The following SNX7 variants were observed in gnomAD, a reference collection of about 807,000 sequenced individuals.
SNX7 encodes sorting nexin 7, also known as sorting nexin-7.
SNX7 carries 35 observed loss-of-function variants against 48.4 expected under a neutral mutation model. The ratio of observed to expected loss-of-function variants is 0.72; its 90% CI spans 0.55 to 0.96. The LOEUF is 0.96. Among genes scored for constraint, SNX7 ranks in the 40% least tolerant of loss-of-function variants. SNX7 has a pLI of 0.00. For missense variants in SNX7, 553 were observed against 548.9 expected (o/e 1.01, Z -0.07); for synonymous variants, 190 against 190.2 (o/e 1.00, Z 0.01).
At position 98,685,008 on chromosome 1, in the gene SNX7, G is replaced by A; in HGVS notation, c.304G>A (p.Glu102Lys). The stretch of plus-strand genomic sequence containing the variant: ...AAAGGATCTCTTCATCACAGTTGAT[G>A]AACCTGAAAGTCATGTTACTACAAT... ...DLKDLFITVD[E>K]PESHVTTIET... is the part of the protein sequence containing the mutation. The change falls in exon 2 of 9, where the codon GAA becomes AAA. Residue 102 changes from glutamate to lysine, a missense_variant. Transcript: ENST00000306121. 1 of 1,590,068 alleles carries A rather than the reference G, an allele frequency of 6.3e-7. No homozygotes were observed. Among genetic ancestry groups the A allele is most frequent in the Non-Finnish European group, 8.6e-7 (1 of 1,166,244 alleles).
At chr1:98,714,480 T>C (rs566985793) in intron 7 of SNX7, among the ~76,000 whole-genome samples, 1 of 111,426 alleles carries the variant, frequency 9.0e-6, no homozygotes, top group South Asian at 3.0e-4. Flanking sequence ...GTAAAAAAAT[T>C]AAATGAATAT....
chr1:98,678,796 G>A lies in SNX7; in HGVS notation c.181-6089G>A, dbSNP rs558133562. On this transcript the variant is annotated intron_variant, in intron 1 of 8. Transcript: ENST00000306121. Reference sequence around the variant, plus strand: ...GTCATATAATTAATTTGAGTCTATAGTCATATAATTAATTTAAACAAAATA... The same window carrying A: ...GTCATATAATTAATTTGAGTCTATAATCATATAATTAATTTAAACAAAATA... 9.2e-5 allele frequency among the ~76,000 whole-genome samples: 14 copies of A among 152,264 alleles called. No homozygotes were observed. In the South Asian group the frequency reaches 2.9e-3, roughly 32 times the overall value.
At chr1:98,681,756 T>C (rs1420145954) in intron 1 of SNX7, among the ~76,000 whole-genome samples, 1 of 152,176 alleles carries the variant, frequency 6.6e-6, no homozygotes, top group Non-Finnish European at 1.5e-5. Context: ...TAGGATATTT[T>C]TGGGACAGAG....
intron 1 of SNX7, among the ~76,000 whole-genome samples, chr1:98,668,350 A>C (rs1649657165): frequency 6.6e-6 from 1 of 152,212 alleles, no homozygotes; most frequent in Non-Finnish European, 1.5e-5. Context: ...GCCACTTCAG[A>C]AGATCCATTC....
At chr1:98,711,662 T>C (rs1553201879) in intron 7 of SNX7, among the ~76,000 whole-genome samples, 1 of 152,232 alleles carries the variant, frequency 6.6e-6, no homozygotes, top group Non-Finnish European at 1.5e-5. Context: ...TGGTAGAGTG[T>C]CTTTCCTTTA....
chr1:98,752,997 A>C (rs1259761985), intron 8 of SNX7, among the ~76,000 whole-genome samples: 1 of 152,012 alleles, frequency 6.6e-6, no homozygotes, highest in African/African-American at 2.4e-5. Context: ...GACATTGACT[A>C]TCCATTTGTT....
intron 7 of SNX7, among the ~76,000 whole-genome samples, chr1:98,734,080 T>A (rs576033838): frequency 3.3e-5 from 5 of 152,198 alleles, no homozygotes; most frequent in Admixed American, 6.6e-5. Context: ...TGTCCATTCT[T>A]CTGTCACACT....
chr1:98,664,856 C>T (rs975179333), intron 1 of SNX7, among the ~76,000 whole-genome samples: 90 of 151,956 alleles, frequency 5.9e-4, no homozygotes, highest in African/African-American at 2.1e-3. Flanking sequence ...CAGAACCAAT[C>T]ATACAAAAAC....
Position 98,695,288 on chromosome 1 carries a change from A to G in SNX7, c.640-230A>G, listed in dbSNP as rs980898451. On this transcript the variant is annotated intron_variant, in intron 4 of 8. Transcript: ENST00000306121. ...AAGATTTACGGTCTGAGGAAAGACTATATACCTGTTTTACATGAGTAGTGT... is the reference window on the plus strand; with the variant it reads ...AAGATTTACGGTCTGAGGAAAGACTGTATACCTGTTTTACATGAGTAGTGT... 5.9e-5 allele frequency among the ~76,000 whole-genome samples: 9 copies of G among 152,186 alleles called. No homozygotes were observed. The South Asian group carries it at 8.3e-4, about 14-fold the overall frequency.
rs372786615 is a variant in SNX7 at position 98,749,591 on chromosome 1, G to A, written c.1279-10463G>A. On this transcript the variant is annotated intron_variant, in intron 8 of 8. Transcript: ENST00000306121. Reference sequence around the variant, plus strand: ...AATGAAATATAATGAATAATTTTGAGCTATTGCAAAATAATAGAAGTTGTT... The same window carrying A: ...AATGAAATATAATGAATAATTTTGAACTATTGCAAAATAATAGAAGTTGTT... Among the ~76,000 whole-genome samples, 4 of 152,026 alleles carry A rather than the reference G, an allele frequency of 2.6e-5. No homozygotes were observed. The East Asian group carries it at 5.8e-4, about 22-fold the overall frequency.
chr1:98,717,503 G>A (rs1055628862), intron 7 of SNX7, among the ~76,000 whole-genome samples: 7 of 152,116 alleles, frequency 4.6e-5, no homozygotes, highest in East Asian at 1.9e-4. Context: ...TGCTTTACCC[G>A]TTGCAGAAAC....
At chr1:98,710,698 C>T (rs1652255084) in intron 7 of SNX7, among the ~76,000 whole-genome samples, 1 of 152,156 alleles carries the variant, frequency 6.6e-6, no homozygotes, top group Admixed American at 6.5e-5. Flanking sequence ...TCCTAAGGTT[C>T]TGTCTTACGT....
chr1:98,681,840 G>A (rs1211122663), intron 1 of SNX7, among the ~76,000 whole-genome samples: 3 of 152,082 alleles, frequency 2.0e-5, no homozygotes, highest in South Asian at 2.1e-4. Context: ...TACCTGGATC[G>A]GTACTATGGT....
intron 8 of SNX7, among the ~76,000 whole-genome samples, chr1:98,752,075 A>G (rs981289301): frequency 1.3e-5 from 2 of 152,142 alleles, no homozygotes; most frequent in Non-Finnish European, 2.9e-5. Context: ...AATAACAAAT[A>G]GAAACATGTT....
At chr1:98,665,520 A>T (rs1353835242) in intron 1 of SNX7, among the ~76,000 whole-genome samples, 2 of 152,202 alleles carry the variant, frequency 1.3e-5, no homozygotes, top group African/African-American at 4.8e-5. Context: ...GGTAAATCAG[A>T]GTTATAATGA....
At chr1:98,686,398 C>T (rs1650800938) in intron 2 of SNX7, among the ~76,000 whole-genome samples, 1 of 152,050 alleles carries the variant, frequency 6.6e-6, no homozygotes, top group Non-Finnish European at 1.5e-5. Context: ...TCAATGCACA[C>T]CCCACTTAGT....
intron 2 of SNX7, among the ~76,000 whole-genome samples, chr1:98,685,477 G>T (rs918107878): frequency 2.0e-5 from 3 of 152,198 alleles, no homozygotes; most frequent in African/African-American, 7.2e-5. Context: ...GTTTTTCAAA[G>T]TGGGACAGGT....
At chr1:98,709,392 C>G (rs1652182606) in intron 7 of SNX7, among the ~76,000 whole-genome samples, 2 of 152,234 alleles carry the variant, frequency 1.3e-5, no homozygotes, top group South Asian at 4.1e-4. Context: ...TTTGCCCTAC[C>G]TGGTCGCTCT....
At chr1:98,688,885 G>A (rs1011570788) in intron 2 of SNX7, among the ~76,000 whole-genome samples, 2 of 151,998 alleles carry the variant, frequency 1.3e-5, no homozygotes, top group African/African-American at 4.8e-5. Context: ...CTTTTGTTTG[G>A]AAGCTTTTGT....
Sources: allele counts gnomAD v4.1 joint callset (sites outside exome capture counted in the v4.1 genomes callset), GRCh38; gene constraint gnomAD v4.1.1; transcripts MANE v1.5; gene names NCBI Gene and HGNC (gene_info 2026-07-23, HGNC 2026-07-21).